Variants in IKZF2 observed in about 807,000 individuals in gnomAD.
The protein encoded by IKZF2 is IKAROS family zinc finger 2, also known as zinc finger protein Helios.
A neutral mutation model predicts 49.2 loss-of-function variants in IKZF2; 15 were observed. The ratio of observed to expected loss-of-function variants is 0.30; its 90% CI spans 0.20 to 0.47. IKZF2 has a LOEUF of 0.47. Among genes scored for constraint, IKZF2 ranks in the 20% least tolerant of loss-of-function variants. The pLI, the probability that IKZF2 is intolerant of heterozygous loss-of-function variation, is 1.00. For missense variants in IKZF2, 567 were observed against 664.6 expected (o/e 0.85, Z 1.61); for synonymous variants, 227 against 221.4 (o/e 1.03, Z -0.23).
chr2:213,007,386 C>T lies in IKZF2; in HGVS notation c.1555G>A (p.Val519Ile), dbSNP rs774042212. ...TAGTGGAATGTGTGCTCCCCTCGAA[C>T]AATGTGTGATGAAAACTCATAACGG... is the stretch of plus-strand genomic sequence containing the variant. ...QDRYEFSSHI[V>I]RGEHTFH The change falls in exon 9 of 9, where the codon GTT becomes ATT. Residue 519 changes from valine (V) to isoleucine (I), a missense_variant. Transcript: ENST00000434687. 3.7e-6 allele frequency: 6 copies of T among 1,613,360 alleles called. No individual in the cohort carries two copies. The South Asian group carries it at 4.4e-5, about 12-fold the overall frequency.
chr2:213,019,640 T>C (rs1196997917), intron 7 of IKZF2, among the ~76,000 whole-genome samples: 3 of 152,176 alleles, frequency 2.0e-5, no homozygotes, highest in East Asian at 1.9e-4. Flanking sequence ...TATTTAAGAA[T>C]ATTTGTTTCT....
At chr2:213,094,267 G>A (rs1214294795) in intron 4 of IKZF2, among the ~76,000 whole-genome samples, 1 of 152,018 alleles carries the variant, frequency 6.6e-6, no homozygotes, top group Non-Finnish European at 1.5e-5. Context: ...AGTAGCTAGA[G>A]GTAAAGAGTA....
chr2:213,033,013 C>G (rs752878849), intron 6 of IKZF2, among the ~76,000 whole-genome samples: 11 of 152,238 alleles, frequency 7.2e-5, no homozygotes, highest in Non-Finnish European at 1.5e-5. Flanking sequence ...TCAAACTCTG[C>G]TACTGCTTTG....
intron 4 of IKZF2, among the ~76,000 whole-genome samples, chr2:213,072,350 T>C (rs1316556438): frequency 6.6e-6 from 1 of 151,814 alleles, no homozygotes; most frequent in Non-Finnish European, 1.5e-5. Context: ...ACTAGTCAGC[T>C]AATTCTTTTC....
intron 4 of IKZF2, among the ~76,000 whole-genome samples, chr2:213,134,197 A>G (rs527732553): frequency 4.5e-4 from 68 of 152,356 alleles, no homozygotes; most frequent in African/African-American, 1.6e-3. Flanking sequence ...CAGCGATCAG[A>G]GGACAAAAAC....
At chr2:213,140,983 C>A (rs895395757) in intron 4 of IKZF2, among the ~76,000 whole-genome samples, 1 of 151,894 alleles carries the variant, frequency 6.6e-6, no homozygotes, top group African/African-American at 2.4e-5. Flanking sequence ...TAATTGCTAT[C>A]CCTCTCCCAA....
At chr2:213,043,492 T>G (rs1240748639) in intron 6 of IKZF2, among the ~76,000 whole-genome samples, 1 of 152,178 alleles carries the variant, frequency 6.6e-6, no homozygotes, top group Non-Finnish European at 1.5e-5. Flanking sequence ...CCAATAATAA[T>G]ATTCATAAAA....
intron 6 of IKZF2, among the ~76,000 whole-genome samples, chr2:213,046,870 T>C (rs1179966582): frequency 6.6e-6 from 1 of 152,128 alleles, no homozygotes; most frequent in Non-Finnish European, 1.5e-5. Context: ...AGTGGGCCAA[T>C]GTACAAAGTG....
chr2:213,139,811 T>C (rs2060804261), intron 4 of IKZF2, among the ~76,000 whole-genome samples: 1 of 151,954 alleles, frequency 6.6e-6, no homozygotes, highest in Non-Finnish European at 1.5e-5. Context: ...TCTGTTTCAC[T>C]GTACATCCTC....
rs1490918975 is a variant in IKZF2, at chr2:213,065,075, C to T, written c.140-7976G>A. 2.6e-5 allele frequency among the ~76,000 whole-genome samples: 4 copies of T among 152,168 alleles called. No individual in the cohort carries two copies. In the South Asian group the frequency reaches 8.3e-4, roughly 32 times the overall value. ...GTTACTCATGCCTTTTCCAGTGAAACCACTGTCCTCAGTTTTCCAGAAACA... is the reference window on the plus strand; with the variant it reads ...GTTACTCATGCCTTTTCCAGTGAAATCACTGTCCTCAGTTTTCCAGAAACA... On this transcript the variant is annotated intron_variant, in intron 4 of 8. Coordinates refer to ENST00000434687, the MANE Select transcript of IKZF2 (RefSeq NM_001387220.1).
chr2:213,145,225 C>T (rs1399957066), intron 4 of IKZF2, among the ~76,000 whole-genome samples: 1 of 150,382 alleles, frequency 6.6e-6, no homozygotes, highest in Non-Finnish European at 1.5e-5. Flanking sequence ...TTAAAAATAA[C>T]TTTTTTCCTC....
Position 213,004,767 on chromosome 2 carries a change from C to A in IKZF2, c.*2593G>T, listed in dbSNP as rs751203224. On this transcript the variant is annotated 3_prime_UTR_variant, in exon 9 of 9. Transcript: ENST00000434687. The stretch of plus-strand genomic sequence containing the variant: ...TTTGTCCTCAATTGTCCCTGCCACA[C>A]CCTGAGCCATATCCACCTCTTTCTG... 2.0e-5 allele frequency: 3 copies of A among 152,248 alleles called. No individual in the cohort carries two copies. The highest frequency in any genetic ancestry group is 2.9e-5 in the Non-Finnish European group (2 of 67,944). The allele number at this position is 152,248 out of a possible 1,614,324, so 9.4% of individuals were successfully genotyped here.
At chr2:213,028,986 A>G (rs1288729827) in intron 6 of IKZF2, among the ~76,000 whole-genome samples, 1 of 152,024 alleles carries the variant, frequency 6.6e-6, no homozygotes, top group East Asian at 1.9e-4. Flanking sequence ...TTTTCACCCA[A>G]TGTTAAACCA....
chr2:213,127,091 G>A (rs1049117953), intron 4 of IKZF2, among the ~76,000 whole-genome samples: 2 of 152,130 alleles, frequency 1.3e-5, no homozygotes, highest in Admixed American at 6.5e-5. Flanking sequence ...TACAGGACAC[G>A]GTTTGTAACA....
intron 8 of IKZF2, 54 bp downstream of exon 8, chr2:213,013,737 C>A: frequency 1.3e-6 from 2 of 1,523,960 alleles, no homozygotes; most frequent in Non-Finnish European, 8.9e-7. Flanking sequence ...TGGGAACTTG[C>A]CTTTTCCTAT....
At chr2:213,148,549 A>C (rs1421810859) in intron 3 of IKZF2, 47 bp downstream of exon 3, 2 of 1,380,016 alleles carry the variant, frequency 1.4e-6, no homozygotes, top group East Asian at 4.6e-5. Flanking sequence ...AGGTAATACA[A>C]AGGCAACTTT....
At chr2:213,068,989 C>T (rs1015889982) in intron 4 of IKZF2, among the ~76,000 whole-genome samples, 1 of 151,494 alleles carries the variant, frequency 6.6e-6, no homozygotes, top group Non-Finnish European at 1.5e-5. Flanking sequence ...GTGCTACAAC[C>T]TTCACAAAAA....
intron 4 of IKZF2, among the ~76,000 whole-genome samples, chr2:213,069,000 G>A (rs1373130551): frequency 6.6e-6 from 1 of 150,636 alleles, no homozygotes; most frequent in Non-Finnish European, 1.5e-5. Flanking sequence ...TTCACAAAAA[G>A]CATAAAGTCC....
chr2:213,065,192 T>C (rs1428659153), intron 4 of IKZF2, among the ~76,000 whole-genome samples: 1 of 152,070 alleles, frequency 6.6e-6, no homozygotes, highest in Non-Finnish European at 1.5e-5. Flanking sequence ...CTATAAAAAT[T>C]AGCACATCAT....
Sources: allele counts gnomAD v4.1 joint callset (sites outside exome capture counted in the v4.1 genomes callset), GRCh38; gene constraint gnomAD v4.1.1; transcripts MANE v1.5; gene names NCBI Gene and HGNC (gene_info 2026-07-23, HGNC 2026-07-21).